Variants in RPL26L1 observed in about 807,000 individuals in gnomAD.
RPL26L1 encodes ribosomal protein uL24-like.
Under a neutral mutation model 15.2 loss-of-function variants are expected in RPL26L1, and 8 were observed. The ratio of observed to expected loss-of-function variants is 0.53; its 90% CI spans 0.31 to 0.95. RPL26L1 has a LOEUF of 0.95. Among genes scored for constraint, RPL26L1 ranks in the 40% least tolerant of loss-of-function variants. RPL26L1 has a pLI of 0.05. For synonymous variants in RPL26L1, 51 were observed against 65.9 expected (o/e 0.77, Z 1.09); for missense variants, 146 against 190.9 (o/e 0.76, Z 1.39).
intron 2 of RPL26L1, 92 bp downstream of exon 2, chr5:172,960,133 C>G (rs1304978430): frequency 2.7e-6 from 4 of 1,472,484 alleles, no homozygotes; most frequent in Non-Finnish European, 1.9e-6. Flanking sequence ...CCTCAGGACT[C>G]TGGAAAGTAG....
At chr5:172,958,536 G>A, upstream of RPL26L1, 1 of 411,416 alleles carries the variant, frequency 2.4e-6, no homozygotes, top group South Asian at 1.7e-5. Context: ...TTCTTAACCC[G>A]AAGAGAGTCG....
At chr5:172,967,942 T>C (rs1175795177) in intron 2 of RPL26L1, among the ~76,000 whole-genome samples, 4 of 151,646 alleles carry the variant, frequency 2.6e-5, no homozygotes, top group East Asian at 3.9e-4. Context: ...ATTATATATA[T>C]ACACACACAC....
At chr5:172,954,573 T>C (rs1407848103), upstream of RPL26L1, among the ~76,000 whole-genome samples, 2 of 150,836 alleles carry the variant, frequency 1.3e-5, no homozygotes, top group Non-Finnish European at 2.9e-5. Flanking sequence ...AAACTCTGTC[T>C]CAAAAAAGAG....
At chr5:172,967,151 G>C (rs1755489403) in intron 2 of RPL26L1, among the ~76,000 whole-genome samples, 1 of 149,526 alleles carries the variant, frequency 6.7e-6, no homozygotes, top group East Asian at 2.1e-4. Flanking sequence ...ACCGTGCCCG[G>C]CCCCCATGCA....
At chr5:172,968,733 G>A in intron 3 of RPL26L1, 134 bp downstream of exon 3, 1 of 770,416 alleles carries the variant, frequency 1.3e-6, no homozygotes, top group Non-Finnish European at 1.9e-6. Context: ...GTAGCTTTGT[G>A]ATATCATCAA....
At chr5:172,964,819 C>G (rs1170612597) in intron 2 of RPL26L1, among the ~76,000 whole-genome samples, 2 of 152,206 alleles carry the variant, frequency 1.3e-5, no homozygotes, top group African/African-American at 4.8e-5. Context: ...TTTCAGAAAT[C>G]GTGGCTCCAC....
At chr5:172,955,130 T>G (rs1764328258), upstream of RPL26L1, 4 of 2,308 alleles carry the variant, frequency 1.7e-3, no homozygotes, top group East Asian at 0.062. Context: ...CTGTGGTTAG[T>G]TTTTTTTTTT....
At position 172,967,961 on chromosome 5, in the gene RPL26L1, A is replaced by G. The variant is rs111373410; in HGVS notation, c.169-498A>G. Among the ~76,000 whole-genome samples, 557 of 152,054 alleles carry G rather than the reference A, an allele frequency of 3.7e-3. 3 individuals are homozygous for G. Among genetic ancestry groups the G allele is most frequent in the African/African-American group, 0.013 (540 of 41,532 alleles). ...TATATATACACACACACATACACTC[A>G]TATAGTTTGAGTATCTCAAATTCAG... On this transcript the variant is annotated intron_variant, in intron 2 of 3. Coordinates refer to ENST00000265100, the MANE Select transcript of RPL26L1 (RefSeq NM_016093.4).
intron 2 of RPL26L1, among the ~76,000 whole-genome samples, chr5:172,967,219 C>T (rs571724288): frequency 6.6e-6 from 1 of 151,510 alleles, no homozygotes; most frequent in South Asian, 2.1e-4. Context: ...AATCCCAGCA[C>T]TTTGGGAGGC....
At chr5:172,968,016 G>A (rs543215227) in intron 2 of RPL26L1, among the ~76,000 whole-genome samples, 85 of 152,054 alleles carry the variant, frequency 5.6e-4, no homozygotes, top group African/African-American at 1.9e-3. Flanking sequence ...CTTTGTCAAC[G>A]TGATGGTCAA....
At chr5:172,967,926 ATATATAT>A (rs1755529205) in intron 2 of RPL26L1, among the ~76,000 whole-genome samples, 1 of 151,614 alleles carries the variant, frequency 6.6e-6, no homozygotes, top group Non-Finnish European at 1.5e-5. Context: ...CACATATGTA[ATATATAT>A]TATATATATA....
upstream of RPL26L1, chr5:172,955,094 G>A (rs1376935396): frequency 4.4e-6 from 2 of 450,590 alleles, no homozygotes; most frequent in Admixed American, 4.8e-5. Flanking sequence ...GAAATGGGGT[G>A]TGGCACTAGA....
chr5:172,960,012 A>G lies in RPL26L1; in HGVS notation c.139A>G (p.Met47Val), dbSNP rs1363793167. 1 of 1,614,076 alleles carries G rather than the reference A, an allele frequency of 6.2e-7. No individual in the cohort carries two copies. The highest frequency in any genetic ancestry group is 8.5e-7 in the Non-Finnish European group (1 of 1,180,040). ...GCGGCAGAAGTACAATGTCCGCTCC[A>G]TGCCCATCCGCAAGGACGACGAGGT... ...ELRQKYNVRS[M>V]PIRKDDEVQV... Residue 47 changes from methionine to valine, a missense_variant, in exon 2 of 4, where the codon ATG becomes GTG. Met to Val is a conservative substitution (Grantham distance 21). Transcript: ENST00000265100.
chr5:172,968,845 G>A (rs1249957246), intron 3 of RPL26L1, among the ~76,000 whole-genome samples: 1 of 110,078 alleles, frequency 9.1e-6, no homozygotes, highest in Non-Finnish European at 1.7e-5. Context: ...TGCTCGCTCT[G>A]TCACCAGGCT....
At chr5:172,960,374 C>T (rs1279312617) in intron 2 of RPL26L1, among the ~76,000 whole-genome samples, 1 of 152,182 alleles carries the variant, frequency 6.6e-6, no homozygotes, top group Non-Finnish European at 1.5e-5. Context: ...ACCTCAGCCT[C>T]CCAAAGCACT....
chr5:172,963,040 G>A (rs1466968982), intron 2 of RPL26L1, among the ~76,000 whole-genome samples: 1 of 151,970 alleles, frequency 6.6e-6, no homozygotes, highest in Admixed American at 6.6e-5. Flanking sequence ...GAGAAATGAG[G>A]AGTTAGCCAG....
upstream of RPL26L1, chr5:172,957,271 T>C: frequency 4.4e-6 from 2 of 456,300 alleles, no homozygotes. Context: ...GCTCTTGTCA[T>C]CCAGGATATC....
intron 3 of RPL26L1, 28 bp from the exon 4 acceptor site, chr5:172,969,385 T>TA (rs537388018): frequency 2.9e-4 from 469 of 1,609,542 alleles, no homozygotes; most frequent in Non-Finnish European, 4.6e-5. Context: ...GATGCAGAAA[T>TA]AAAGACCTGT....
upstream of RPL26L1, chr5:172,955,942 C>T (rs1456696444): frequency 6.6e-6 from 1 of 152,224 alleles, no homozygotes; most frequent in Non-Finnish European, 1.5e-5. Context: ...CCAAGGTCAT[C>T]TTTGCTGTGC....
Sources: gnomAD v4.1 joint callset for allele counts (sites outside exome capture counted in the v4.1 genomes callset) on GRCh38, gnomAD v4.1.1 for gene constraint, MANE v1.5 for transcripts, NCBI Gene and HGNC (gene_info 2026-07-23, HGNC 2026-07-21) for gene names.